The following CHCHD3 variants were observed in gnomAD, a reference collection of about 807,000 sequenced individuals.
CHCHD3 encodes MICOS complex subunit MIC19.
Under a neutral mutation model 38.2 loss-of-function variants are expected in CHCHD3, and 20 were observed. The ratio of observed to expected loss-of-function variants is 0.52; its 90% CI spans 0.37 to 0.76. The LOEUF is 0.76. Among genes scored for constraint, CHCHD3 ranks in the 30% least tolerant of loss-of-function variants. The probability of loss-of-function intolerance (pLI) is 0.00; values close to 1 mark genes in which losing one functional copy is unlikely to be tolerated. For missense variants in CHCHD3, 245 were observed against 279.2 expected (o/e 0.88, Z 0.87); for synonymous variants, 82 against 100.0 (o/e 0.82, Z 1.07).
chr7:132,940,808 C>T (rs1810747223), intron 4 of CHCHD3, among the ~76,000 whole-genome samples: 1 of 152,106 alleles, frequency 6.6e-6, no homozygotes, highest in Admixed American at 6.6e-5. Context: ...CATGGGGCAT[C>T]AGGTGGAAAG....
intron 4 of CHCHD3, among the ~76,000 whole-genome samples, chr7:132,954,102 TG>T (rs1187926247): frequency 2.0e-5 from 3 of 152,078 alleles, no homozygotes; most frequent in Non-Finnish European, 2.9e-5. Context: ...CAGGGGAGGA[TG>T]TCCCAGGCAG....
At chr7:132,861,839 A>G (rs1011325057) in intron 5 of CHCHD3, among the ~76,000 whole-genome samples, 1 of 152,214 alleles carries the variant, frequency 6.6e-6, no homozygotes, top group African/African-American at 2.4e-5. Flanking sequence ...TTAAAAATGT[A>G]TAAATTATTA....
intron 6 of CHCHD3, among the ~76,000 whole-genome samples, chr7:132,828,627 A>G (rs1807566402): frequency 6.6e-6 from 1 of 152,202 alleles, no homozygotes. Flanking sequence ...AAGTTTAAAT[A>G]CAATGTATCC....
chr7:132,909,291 C>T (rs566745279), intron 4 of CHCHD3, among the ~76,000 whole-genome samples: 1 of 152,008 alleles, frequency 6.6e-6, no homozygotes, highest in Non-Finnish European at 1.5e-5. Context: ...GTCAGGAGCT[C>T]GAGACCAGTC....
At chr7:132,845,906 T>A (rs547307919) in intron 5 of CHCHD3, among the ~76,000 whole-genome samples, 2 of 152,310 alleles carry the variant, frequency 1.3e-5, no homozygotes, top group East Asian at 3.9e-4. Context: ...GAAAAATGAT[T>A]CCACAACTGA....
At chr7:132,825,488 C>T (rs1384254873) in intron 6 of CHCHD3, among the ~76,000 whole-genome samples, 1 of 152,248 alleles carries the variant, frequency 6.6e-6, no homozygotes, top group African/African-American at 2.4e-5. Flanking sequence ...CACTTCTTGT[C>T]AATTAACCAG....
At position 132,788,003 on chromosome 7, in the gene CHCHD3, G is replaced by A. The variant is rs1055524438; in HGVS notation, c.661-2343C>T. ...AATGTGAGGCACCAGCCCCATGTTCGCTGGGAAAATAACACGCTGAGCACC... is the reference window on the plus strand; with the variant it reads ...AATGTGAGGCACCAGCCCCATGTTCACTGGGAAAATAACACGCTGAGCACC... On this transcript the variant is annotated intron_variant, in intron 7 of 7. Transcript: ENST00000262570. This position sits in a 1 kb window ranked among gnomAD's most constrained non-coding sequence, Gnocchi z 4.0. 7.9e-5 allele frequency among the ~76,000 whole-genome samples: 12 copies of A among 152,148 alleles called. No homozygotes were observed. Among genetic ancestry groups the A allele is most frequent in the African/African-American group, 1.2e-4 (5 of 41,434 alleles).
At chr7:132,930,333 A>AT (rs1480884913) in intron 4 of CHCHD3, among the ~76,000 whole-genome samples, 1 of 151,408 alleles carries the variant, frequency 6.6e-6, no homozygotes, top group African/African-American at 2.4e-5. Context: ...TGCCCGGCTA[A>AT]TTTTTTTGTA....
chr7:133,080,077 G>A (rs2117558889), intron 1 of CHCHD3, among the ~76,000 whole-genome samples: 1 of 152,300 alleles, frequency 6.6e-6, no homozygotes, highest in South Asian at 2.1e-4. Context: ...TCATGTAAAA[G>A]GAGGATTTGA....
intron 3 of CHCHD3, among the ~76,000 whole-genome samples, chr7:133,020,689 T>C (rs1331425988): frequency 6.6e-6 from 1 of 152,218 alleles, no homozygotes; most frequent in Non-Finnish European, 1.5e-5. Context: ...CATCAAAATT[T>C]GCAGAACTGC....
intron 6 of CHCHD3, among the ~76,000 whole-genome samples, chr7:132,820,952 G>T (rs9656414): frequency 0.017 from 2,632 of 152,224 alleles, 79 homozygotes; most frequent in African/African-American, 0.06. Flanking sequence ...GCGTATGTAT[G>T]TCTAACCACA....
chr7:132,891,384 G>A (rs1809355942), intron 4 of CHCHD3, among the ~76,000 whole-genome samples: 1 of 152,132 alleles, frequency 6.6e-6, no homozygotes, highest in Admixed American at 6.5e-5. Flanking sequence ...GATCCCAGCT[G>A]GAAATGTTAA....
chr7:132,996,690 G>C (rs1275702472), intron 3 of CHCHD3, among the ~76,000 whole-genome samples: 1 of 152,126 alleles, frequency 6.6e-6, no homozygotes, highest in Non-Finnish European at 1.5e-5. Context: ...AAGCCCTGTC[G>C]CTAATCAGCA....
chr7:133,035,425 A>C lies in CHCHD3; in HGVS notation c.170-10798T>G, dbSNP rs6977054. On this transcript the variant is annotated intron_variant, in intron 2 of 7. Transcript: ENST00000262570. The surrounding 1 kb of genome is among the most constrained non-coding windows in gnomAD (Gnocchi z 4.7). ...TGCTTATAGAGCCACAACAGGGTGC[A>C]GACAACTGTGATGTCAGCCAATGTC... The C allele has an allele frequency of 1.1e-3, 1,786 of 1,613,550 alleles. 15 individuals carry two copies. The African/African-American group carries it at 0.022, about 20-fold the overall frequency.
chr7:133,040,428 A>T (rs1239167297), intron 2 of CHCHD3, among the ~76,000 whole-genome samples: 1 of 152,160 alleles, frequency 6.6e-6, no homozygotes, highest in Non-Finnish European at 1.5e-5. Context: ...GTACCCTTCC[A>T]GTACTGGGGT....
rs190565692 is a variant in CHCHD3, at chr7:133,030,897, A to G, written c.170-6270T>C. Among the ~76,000 whole-genome samples, 3 of 152,300 alleles carry G rather than the reference A, an allele frequency of 2.0e-5. No homozygotes were observed. The East Asian group carries it at 5.8e-4, about 29-fold the overall frequency. On this transcript the variant is annotated intron_variant, in intron 2 of 7. Transcript: ENST00000262570. ...GGCTCTAAACCATTTACTTGAAACC[A>G]TTACTGAAAATAATAAATACTTGGA... is the stretch of plus-strand genomic sequence containing the variant.
chr7:132,988,299 ACC>A (rs1554398063), intron 3 of CHCHD3, among the ~76,000 whole-genome samples: 3 of 115,754 alleles, frequency 2.6e-5, no homozygotes, highest in Admixed American at 8.5e-5. Context: ...ACACACACAC[ACC>A]CACACACACA....
chr7:133,044,174 G>GA, intron 2 of CHCHD3, among the ~76,000 whole-genome samples: 1 of 152,240 alleles, frequency 6.6e-6, no homozygotes, highest in Non-Finnish European at 1.5e-5. Flanking sequence ...CTGAAGGGCT[G>GA]AAACCCCTTT....
At chr7:132,847,904 G>T (rs1301777529) in intron 5 of CHCHD3, among the ~76,000 whole-genome samples, 2 of 152,070 alleles carry the variant, frequency 1.3e-5, no homozygotes, top group Admixed American at 6.6e-5. Context: ...TGGAGATTAG[G>T]GCATGACTAT....
Sources: allele counts gnomAD v4.1 joint callset (sites outside exome capture counted in the v4.1 genomes callset), GRCh38; gene constraint gnomAD v4.1.1; non-coding constraint Gnocchi (gnomAD v3.1); transcripts MANE v1.5; gene names NCBI Gene and HGNC (gene_info 2026-07-23, HGNC 2026-07-21).